Variants in GALNTL6 observed in about 807,000 individuals in gnomAD.
GALNTL6 encodes the protein polypeptide N-acetylgalactosaminyltransferase like 6.
A neutral mutation model predicts 73.7 loss-of-function variants in GALNTL6; 46 were observed. The observed-to-expected ratio is 0.62, with a 90% confidence interval of 0.49 to 0.80. The LOEUF (loss-of-function observed/expected upper bound fraction) is 0.80. Ranked by LOEUF, GALNTL6 falls within the 30% of genes least tolerant of loss-of-function variation. The pLI is 0.00. For synonymous variants in GALNTL6, 259 were observed against 263.7 expected, an observed-to-expected ratio of 0.98 and a Z score of 0.17; for missense variants, 604 against 755.0, an observed-to-expected ratio of 0.80 and a Z score of 2.34.
chr4:172,216,912 G>T (rs1736512766), intron 2 of GALNTL6, among the ~76,000 whole-genome samples: 1 of 152,114 alleles, frequency 6.6e-6, no homozygotes, highest in Non-Finnish European at 1.5e-5. Context: ...CTCTAAGAAG[G>T]GAATGGGAAG....
intron 5 of GALNTL6, among the ~76,000 whole-genome samples, chr4:172,757,388 G>T (rs1246287885): frequency 2.0e-5 from 3 of 152,076 alleles, no homozygotes; most frequent in African/African-American, 7.2e-5. Context: ...TACTGCCCAG[G>T]CTTTAAAGTT....
At chr4:172,793,459 A>G (rs1740104999) in intron 5 of GALNTL6, among the ~76,000 whole-genome samples, 1 of 152,136 alleles carries the variant, frequency 6.6e-6, no homozygotes, top group African/African-American at 2.4e-5. Context: ...GTCTATCTCA[A>G]TTGCAGCACG....
chr4:172,579,929 T>G (rs1737112286), intron 5 of GALNTL6, among the ~76,000 whole-genome samples: 1 of 151,372 alleles, frequency 6.6e-6, no homozygotes, highest in Admixed American at 6.6e-5. Flanking sequence ...GTGGGAGGAG[T>G]AGAGAAAATG....
At chr4:172,352,096 A>T (rs939264259) in intron 5 of GALNTL6, among the ~76,000 whole-genome samples, 11 of 152,180 alleles carry the variant, frequency 7.2e-5, no homozygotes, top group African/African-American at 2.4e-4. Context: ...GTAATTGTTA[A>T]ATTCTGTAAT....
intron 5 of GALNTL6, among the ~76,000 whole-genome samples, chr4:172,485,155 A>T (rs1309145589): frequency 6.6e-6 from 1 of 152,126 alleles, no homozygotes; most frequent in Non-Finnish European, 1.5e-5. Context: ...TACTTAAAAC[A>T]ATGAGGATAA....
chr4:172,677,190 A>C (rs573034011), intron 5 of GALNTL6, among the ~76,000 whole-genome samples: 1 of 152,372 alleles, frequency 6.6e-6, no homozygotes, highest in South Asian at 2.1e-4. Flanking sequence ...TCTATCAAGA[A>C]AATGTGCTGT....
At chr4:172,919,354 G>A (rs752611646) in intron 8 of GALNTL6, among the ~76,000 whole-genome samples, 3 of 151,980 alleles carry the variant, frequency 2.0e-5, no homozygotes, top group Non-Finnish European at 4.4e-5. Flanking sequence ...TCCCTCTCAC[G>A]GACTCCCCTC....
chr4:171,867,444 A>G (rs1244964149), intron 2 of GALNTL6, among the ~76,000 whole-genome samples: 1 of 152,204 alleles, frequency 6.6e-6, no homozygotes, highest in Non-Finnish European at 1.5e-5. Flanking sequence ...GTCACCAGCG[A>G]TTTGTCTTTG....
intron 5 of GALNTL6, among the ~76,000 whole-genome samples, chr4:172,459,354 T>C (rs947738257): frequency 6.6e-6 from 1 of 152,194 alleles, no homozygotes; most frequent in African/African-American, 2.4e-5. Context: ...GTATTGGATG[T>C]TCTGGCCAGG....
intron 3 of GALNTL6, among the ~76,000 whole-genome samples, chr4:172,271,959 A>T (rs115202638): frequency 0.12 from 17,625 of 146,582 alleles, 1,370 homozygotes; most frequent in African/African-American, 0.24. Flanking sequence ...ATATATATAT[A>T]TTTTTTTTTA....
chr4:172,488,408 A>G (rs1733772846), intron 5 of GALNTL6, among the ~76,000 whole-genome samples: 1 of 152,178 alleles, frequency 6.6e-6, no homozygotes, highest in Non-Finnish European at 1.5e-5. Context: ...ATAGATAACT[A>G]GAGGATGAAT....
chr4:173,010,361 G>T (rs1752491250), intron 11 of GALNTL6, among the ~76,000 whole-genome samples: 1 of 152,092 alleles, frequency 6.6e-6, no homozygotes, highest in African/African-American at 2.4e-5. Flanking sequence ...CTTTATGGCT[G>T]AATAGTACTC....
chr4:172,694,208 T>C (rs1733521884), intron 5 of GALNTL6, among the ~76,000 whole-genome samples: 1 of 151,940 alleles, frequency 6.6e-6, no homozygotes, highest in African/African-American at 2.4e-5. Flanking sequence ...ACATGTGCCG[T>C]GGTGTTTTGC....
At chr4:172,975,751 G>A (rs1358177163) in intron 10 of GALNTL6, among the ~76,000 whole-genome samples, 1 of 152,176 alleles carries the variant, frequency 6.6e-6, no homozygotes, top group African/African-American at 2.4e-5. Context: ...AAGGGAGGAG[G>A]AGCCTGGCAT....
intron 2 of GALNTL6, among the ~76,000 whole-genome samples, chr4:171,871,530 C>T (rs28412943): frequency 0.24 from 36,117 of 151,952 alleles, 5,231 homozygotes; most frequent in African/African-American, 0.41. Flanking sequence ...TCACTCCCTT[C>T]GCCCCTCATT....
At chr4:172,702,061 T>A (rs1488515509) in intron 5 of GALNTL6, among the ~76,000 whole-genome samples, 2 of 152,092 alleles carry the variant, frequency 1.3e-5, no homozygotes, top group Non-Finnish European at 2.9e-5. Flanking sequence ...ATAACAATGA[T>A]AAATAATGAA....
intron 2 of GALNTL6, among the ~76,000 whole-genome samples, chr4:171,963,583 A>G (rs184476242): frequency 4.6e-4 from 70 of 152,320 alleles, no homozygotes; most frequent in Admixed American, 4.4e-3. Context: ...TAAACTAATT[A>G]TTTAGTTCTC....
chr4:172,249,215 T>C (rs1191280784), intron 3 of GALNTL6, among the ~76,000 whole-genome samples: 1 of 152,180 alleles, frequency 6.6e-6, no homozygotes, highest in Admixed American at 6.5e-5. Flanking sequence ...GAGGAACTTG[T>C]CAGGAACTGG....
chr4:172,286,458 A>G (rs1236168893), intron 3 of GALNTL6, among the ~76,000 whole-genome samples: 1 of 152,328 alleles, frequency 6.6e-6, no homozygotes, highest in Non-Finnish European at 1.5e-5. Flanking sequence ...GTTTGGCAGA[A>G]GAAGGCATAA....
Sources: allele counts gnomAD v4.1 joint callset (sites outside exome capture counted in the v4.1 genomes callset), GRCh38; gene constraint gnomAD v4.1.1; transcripts MANE v1.5; gene names NCBI Gene and HGNC (gene_info 2026-07-23, HGNC 2026-07-21).